JAK2: variants seen among roughly 807,000 people sequenced by gnomAD.
The protein encoded by JAK2 is tyrosine-protein kinase JAK2.
JAK2 carries 86 observed loss-of-function variants against 139.3 expected under a neutral mutation model. The ratio of observed to expected loss-of-function variants is 0.62; its 90% confidence interval spans 0.52 to 0.74. The LOEUF (loss-of-function observed/expected upper bound fraction) is 0.74, where lower values mean the gene tolerates loss of function less well. Ranked by LOEUF, JAK2 falls within the 30% of genes least tolerant of loss-of-function variation. JAK2 has a pLI of 0.00. For synonymous variants in JAK2, 490 were observed against 437.7 expected (o/e 1.12, Z -1.49); for missense variants, 1,421 against 1,360.3 (o/e 1.04, Z -0.70).
At chr9:5,116,075 C>A (rs1419114874) in intron 22 of JAK2, among the ~76,000 whole-genome samples, 2 of 151,562 alleles carry the variant, frequency 1.3e-5, no homozygotes, top group South Asian at 4.2e-4. Flanking sequence ...AAAAAAAAAA[C>A]AGTGAACATT....
At chr9:5,116,162 T>A (rs1823156200) in intron 22 of JAK2, among the ~76,000 whole-genome samples, 1 of 152,158 alleles carries the variant, frequency 6.6e-6, no homozygotes, top group Non-Finnish European at 1.5e-5. Flanking sequence ...TTGGAGAACA[T>A]GTATGATTAT....
At chr9:4,998,439 T>C (rs914084847) in intron 2 of JAK2, among the ~76,000 whole-genome samples, 2 of 152,104 alleles carry the variant, frequency 1.3e-5, no homozygotes, top group Admixed American at 1.3e-4. Context: ...GTATTTTTAG[T>C]AGAGACGGGG....
chr9:4,997,835 A>G (rs1345096106), intron 2 of JAK2, among the ~76,000 whole-genome samples: 1 of 152,206 alleles, frequency 6.6e-6, no homozygotes, highest in Non-Finnish European at 1.5e-5. Flanking sequence ...CTTCCAAAAC[A>G]TAATGCTTCA....
intron 4 of JAK2, among the ~76,000 whole-genome samples, chr9:5,035,717 G>C (rs887922405): frequency 7.9e-5 from 12 of 152,152 alleles, no homozygotes; most frequent in Non-Finnish European, 1.6e-4. Context: ...ATTAGGTATT[G>C]ATGGGACGTG....
At chr9:5,102,242 A>G (rs1278997915) in intron 22 of JAK2, among the ~76,000 whole-genome samples, 1 of 152,230 alleles carries the variant, frequency 6.6e-6, no homozygotes, top group Admixed American at 6.5e-5. Context: ...TACAGGACGC[A>G]TGCACAAGCT....
At chr9:5,024,933 A>G (rs1276598349) in intron 3 of JAK2, among the ~76,000 whole-genome samples, 1 of 152,186 alleles carries the variant, frequency 6.6e-6, no homozygotes, top group Non-Finnish European at 1.5e-5. Flanking sequence ...GCCATCTTCA[A>G]GACTTTGCTT....
chr9:5,046,835 G>A (rs758345539), intron 5 of JAK2, among the ~76,000 whole-genome samples: 3 of 152,096 alleles, frequency 2.0e-5, no homozygotes, highest in South Asian at 4.1e-4. Context: ...TTGCTTTTAC[G>A]GGTATATTAT....
chr9:5,005,034 A>T (rs59384377), intron 2 of JAK2, among the ~76,000 whole-genome samples: 35,875 of 137,474 alleles, frequency 0.26, 4,813 homozygotes, highest in South Asian at 0.34. Flanking sequence ...CTCCTCCTTC[A>T]GCCTCTTGAG....
intron 22 of JAK2, among the ~76,000 whole-genome samples, chr9:5,103,186 A>G (rs2130757561): frequency 6.8e-6 from 1 of 146,706 alleles, no homozygotes; most frequent in East Asian, 2.0e-4. Flanking sequence ...CTCAAAATAA[A>G]GGGATGGAGG....
At position 5,022,107 on chromosome 9, in the gene JAK2, G is replaced by A; in HGVS notation, c.120G>A (p.Gln40=). 6.2e-7 allele frequency: 1 copy of A among 1,613,830 alleles called. No homozygotes were observed. The highest frequency in any genetic ancestry group is 8.5e-7 in the Non-Finnish European group (1 of 1,179,716). ...TGAAGCAAATAGATCCAGTTCTTCA[G>A]GTGTATCTTTACCATTCCCTTGGGA... ...NSMKQIDPVL[Q]VYLYHSLGKS... The change falls in exon 3 of 25, where the codon CAG becomes CAA. Residue 40 remains glutamine (Q), a synonymous_variant. Coordinates refer to ENST00000381652, the MANE Select transcript of JAK2 (RefSeq NM_004972.4).
rs1824034846 is a variant in JAK2 at position 5,126,872 on chromosome 9, C to T, written c.*81C>T. 2.8e-6 allele frequency: 2 copies of T among 705,728 alleles called. No individual in the cohort carries two copies. The highest frequency in any genetic ancestry group is 2.8e-5 in the Admixed American group (1 of 35,868). 43.7% of individuals were successfully genotyped at this position (705,728 alleles called of 1,614,324 possible). ...TTCACATTGCTGTGGACTATTATTA[C>T]ATATATCATTATTATATAAATCATG... On this transcript the variant is annotated 3_prime_UTR_variant, in exon 25 of 25. Coordinates refer to ENST00000381652, the MANE Select transcript of JAK2 (RefSeq NM_004972.4).
At chr9:5,123,361 C>T (rs535596215) in intron 23 of JAK2, among the ~76,000 whole-genome samples, 1 of 152,082 alleles carries the variant, frequency 6.6e-6, no homozygotes, top group East Asian at 1.9e-4. Flanking sequence ...ATTCTACGTT[C>T]ATGTGTATAC....
At chr9:5,057,775 G>T (rs534849062) in intron 8 of JAK2, among the ~76,000 whole-genome samples, 4 of 151,916 alleles carry the variant, frequency 2.6e-5, no homozygotes, top group African/African-American at 9.6e-5. Flanking sequence ...TAGAGACGGG[G>T]TTTCACCATG....
chr9:4,986,872 A>G (rs143332294), intron 2 of JAK2, among the ~76,000 whole-genome samples: 1 of 152,262 alleles, frequency 6.6e-6, no homozygotes, highest in Non-Finnish European at 1.5e-5. Context: ...TATGCGGGGA[A>G]TTTTCCCCTT....
intron 22 of JAK2, chr9:5,096,638 C>T (rs898880159): frequency 1.3e-5 from 2 of 152,150 alleles, no homozygotes; most frequent in Non-Finnish European, 2.9e-5. Context: ...CCAATGCTTA[C>T]TCAGCCATTT....
chr9:5,058,215 C>G (rs896614498), intron 8 of JAK2, among the ~76,000 whole-genome samples: 3 of 152,086 alleles, frequency 2.0e-5, no homozygotes, highest in Non-Finnish European at 4.4e-5. Context: ...TTCTATTAGT[C>G]CGTTCTCACA....
In JAK2 at chr9:5,101,668, G is replaced by A. The variant is rs575401626; in HGVS notation, c.3059+10757G>A. ...ATACAGGTGGGTGCCTGTCTGGGAC[G>A]AAGCTTCCAGAGGAAGGATCAGGCA... On this transcript the variant is annotated intron_variant, in intron 22 of 24. Transcript: ENST00000381652. 1.4e-4 allele frequency among the ~76,000 whole-genome samples: 22 copies of A among 152,306 alleles called. No individual in the cohort carries two copies. In the South Asian group the frequency reaches 3.3e-3, roughly 23 times the overall value.
At chr9:5,072,396 G>C (rs1026082716) in intron 12 of JAK2, 96 bp from the exon 13 acceptor site, 7 of 870,102 alleles carry the variant, frequency 8.0e-6, no homozygotes, top group Non-Finnish European at 1.2e-5. Context: ...CTTGCTTATG[G>C]ATTTAAAAAA....
chr9:5,034,060 C>T (rs889242175), intron 4 of JAK2, among the ~76,000 whole-genome samples: 8 of 151,546 alleles, frequency 5.3e-5, no homozygotes, highest in South Asian at 4.2e-4. Flanking sequence ...ACCAAGCAAA[C>T]GGAAAACAAA....
Sources: gnomAD v4.1 joint callset for allele counts (sites outside exome capture counted in the v4.1 genomes callset) on GRCh38, gnomAD v4.1.1 for gene constraint, MANE v1.5 for transcripts, NCBI Gene and HGNC (gene_info 2026-07-23, HGNC 2026-07-21) for gene names.